The following CAMTA1 variants were observed in gnomAD, a reference collection of about 807,000 sequenced individuals.
CAMTA1 encodes the protein calmodulin binding transcription activator 1.
In CAMTA1, 27 loss-of-function variants were observed where a neutral mutation model predicts 170.9. The ratio of observed to expected loss-of-function variants is 0.16; its 90% confidence interval spans 0.12 to 0.22. The LOEUF is 0.22. CAMTA1 is among the 10% of genes least tolerant of loss of function. The probability of loss-of-function intolerance (pLI) is 1.00; values close to 1 mark genes in which losing one functional copy is unlikely to be tolerated. For missense variants in CAMTA1, 1,619 were observed against 2,217.2 expected (o/e 0.73, Z 5.42); for synonymous variants, 833 against 891.5 (o/e 0.93, Z 1.17).
chr1:7,715,432 C>CTTTTTTTT (rs34965685), intron 11 of CAMTA1, among the ~76,000 whole-genome samples: 2 of 142,276 alleles, frequency 1.4e-5, no homozygotes, highest in Non-Finnish European at 1.5e-5. Flanking sequence ...TAGCCACACA[C>CTTTTTTTT]TTTTTTTTTT....
chr1:7,702,976 T>C (rs531391634), intron 11 of CAMTA1, among the ~76,000 whole-genome samples: 2 of 152,222 alleles, frequency 1.3e-5, no homozygotes, highest in African/African-American at 4.8e-5. Flanking sequence ...ACCATAGATA[T>C]GAAGGCACAG....
At chr1:7,342,628 G>T (rs891278159) in intron 5 of CAMTA1, among the ~76,000 whole-genome samples, 6 of 152,206 alleles carry the variant, frequency 3.9e-5, no homozygotes, top group African/African-American at 9.7e-5. Flanking sequence ...AGAACATAGG[G>T]CTGGAGCCAT....
chr1:6,948,325 T>G (rs978403121), intron 3 of CAMTA1, among the ~76,000 whole-genome samples: 19 of 152,186 alleles, frequency 1.2e-4, no homozygotes, highest in Non-Finnish European at 2.2e-4. Flanking sequence ...ATTTAGAGTT[T>G]AGTGAGAAGC....
At chr1:7,508,064 C>G (rs567204056) in intron 6 of CAMTA1, among the ~76,000 whole-genome samples, 1 of 152,256 alleles carries the variant, frequency 6.6e-6, no homozygotes, top group Non-Finnish European at 1.5e-5. Context: ...GCGAAGCCCT[C>G]GCTTATGATC....
At position 7,632,205 on chromosome 1, in the gene CAMTA1, T is replaced by C. The variant is rs372480405; in HGVS notation, c.511-8195T>C. ...CATTCGGAATATGTATAAATGGTGC[T>C]AATATGACAAATGCAAAGATCGAAG... On this transcript the variant is annotated intron_variant, in intron 6 of 22. Coordinates refer to ENST00000303635, the MANE Select transcript of CAMTA1 (RefSeq NM_015215.4). 5.9e-5 allele frequency among the ~76,000 whole-genome samples: 9 copies of C among 152,368 alleles called. No homozygotes were observed. In the East Asian group the frequency reaches 1.5e-3, roughly 26 times the overall value.
intron 11 of CAMTA1, chr1:7,694,736 G>A (rs2096356437): frequency 6.6e-6 from 1 of 152,536 alleles, no homozygotes; most frequent in Admixed American, 6.5e-5. Flanking sequence ...GGGGCTGGGA[G>A]GCTGAAGGAA....
intron 6 of CAMTA1, among the ~76,000 whole-genome samples, chr1:7,577,144 T>C (rs2095205077): frequency 6.6e-6 from 1 of 152,078 alleles, no homozygotes; most frequent in Non-Finnish European, 1.5e-5. Flanking sequence ...AGCATCGTCC[T>C]CCCCCGGAGG....
At chr1:7,267,335 T>C (rs143322920) in intron 5 of CAMTA1, among the ~76,000 whole-genome samples, 2 of 152,190 alleles carry the variant, frequency 1.3e-5, no homozygotes, top group African/African-American at 4.8e-5. Context: ...GAAGACAGAA[T>C]GCACAGGACT....
chr1:6,943,229 G>A (rs79449477), intron 3 of CAMTA1, among the ~76,000 whole-genome samples: 2,883 of 151,202 alleles, frequency 0.019, 89 homozygotes, highest in African/African-American at 0.066. Context: ...CTCCCTGACC[G>A]TCCTCACCTG....
intron 3 of CAMTA1, among the ~76,000 whole-genome samples, chr1:7,013,932 C>T (rs889188986): frequency 6.6e-6 from 1 of 152,236 alleles, no homozygotes; most frequent in African/African-American, 2.4e-5. Flanking sequence ...CCTCCAAAGT[C>T]AGAGACAAGG....
chr1:7,489,519 C>T (rs891298494), intron 6 of CAMTA1, among the ~76,000 whole-genome samples: 4 of 152,090 alleles, frequency 2.6e-5, no homozygotes, highest in African/African-American at 9.7e-5. Flanking sequence ...GGCATCCATG[C>T]GTGTTAGGGG....
chr1:7,702,997 A>C (rs2096458810), intron 11 of CAMTA1, among the ~76,000 whole-genome samples: 1 of 152,216 alleles, frequency 6.6e-6, no homozygotes, highest in Non-Finnish European at 1.5e-5. Context: ...ACAGTGGAGC[A>C]CACAGCTAGC....
rs1466293903 is a variant in CAMTA1 at position 7,630,115 on chromosome 1, C to T, written c.511-10285C>T. ...TAAATAAGGCCAGCCCGGGCCCCCACGCATACGTGCTGTTGGGCAGCCAGG... is the reference window on the plus strand; with the variant it reads ...TAAATAAGGCCAGCCCGGGCCCCCATGCATACGTGCTGTTGGGCAGCCAGG... On this transcript the variant is annotated intron_variant, in intron 6 of 22. Transcript: ENST00000303635. Among the ~76,000 whole-genome samples, 5 of 152,208 alleles carry T rather than the reference C, an allele frequency of 3.3e-5. No homozygotes were observed. In the South Asian group the frequency reaches 8.3e-4, roughly 25 times the overall value.
intron 3 of CAMTA1, among the ~76,000 whole-genome samples, chr1:7,083,332 T>C (rs772149457): frequency 4.6e-5 from 7 of 152,238 alleles, no homozygotes; most frequent in Admixed American, 1.3e-4. Flanking sequence ...CTACGTTGCA[T>C]TCCATGCAAA....
intron 3 of CAMTA1, among the ~76,000 whole-genome samples, chr1:6,892,298 C>T (rs769504962): frequency 1.3e-5 from 2 of 152,190 alleles, no homozygotes; most frequent in African/African-American, 4.8e-5. Flanking sequence ...TCATCCTCTT[C>T]CTGACATTGA....
rs1271520438 is a variant in CAMTA1, at chr1:7,426,976, C to T, written c.439-40854C>T. Reference sequence around the variant, plus strand: ...GCGGTGGCGTTCAGAATCGTGTTTTCCTTACTCAACATTCCCAGGTGTCGT... The same window carrying T: ...GCGGTGGCGTTCAGAATCGTGTTTTTCTTACTCAACATTCCCAGGTGTCGT... On this transcript the variant is annotated intron_variant, in intron 5 of 22. Coordinates refer to ENST00000303635, the MANE Select transcript of CAMTA1 (RefSeq NM_015215.4). This position sits in a 1 kb window ranked among gnomAD's most constrained non-coding sequence, Gnocchi z 4.8. 6.6e-6 allele frequency among the ~76,000 whole-genome samples: 1 copy of T among 152,062 alleles called. No individual in the cohort carries two copies. Among genetic ancestry groups the T allele is most frequent in the Admixed American group, 6.6e-5 (1 of 15,256 alleles).
intron 3 of CAMTA1, among the ~76,000 whole-genome samples, chr1:6,855,318 G>A (rs1661878843): frequency 6.6e-6 from 1 of 151,732 alleles, no homozygotes; most frequent in Non-Finnish European, 1.5e-5. Context: ...AAAGAAAAGA[G>A]GTTTAATTTG....
chr1:6,929,605 C>G (rs574191685), intron 3 of CAMTA1, among the ~76,000 whole-genome samples: 2 of 151,938 alleles, frequency 1.3e-5, no homozygotes, highest in Non-Finnish European at 2.9e-5. Flanking sequence ...CCTCGTGATC[C>G]GCCCGCCTCG....
intron 5 of CAMTA1, among the ~76,000 whole-genome samples, chr1:7,358,782 A>G (rs2085326100): frequency 6.6e-6 from 1 of 152,132 alleles, no homozygotes; most frequent in South Asian, 2.1e-4. Flanking sequence ...TTCCAGACCT[A>G]ATGAGGCCTT....
Sources: allele counts gnomAD v4.1 joint callset (sites outside exome capture counted in the v4.1 genomes callset), GRCh38; gene constraint gnomAD v4.1.1; non-coding constraint Gnocchi (gnomAD v3.1); transcripts MANE v1.5; gene names NCBI Gene and HGNC (gene_info 2026-07-23, HGNC 2026-07-21).